Variants in MMP26 observed in about 807,000 individuals in gnomAD.
MMP26 encodes the protein matrix metalloproteinase-26.
Under a neutral mutation model 31.0 loss-of-function variants are expected in MMP26, and 33 were observed. That is an observed-to-expected ratio of 1.06 (90% confidence interval 0.81 to 1.42). The LOEUF (loss-of-function observed/expected upper bound fraction) is 1.42. Among genes scored for constraint, MMP26 ranks in the 40% most tolerant of loss-of-function variants. The probability of loss-of-function intolerance (pLI) is 0.00; values close to 1 mark genes in which losing one functional copy is unlikely to be tolerated. For synonymous variants in MMP26, 122 were observed against 114.9 expected (o/e 1.06, Z -0.40); for missense variants, 347 against 316.1 (o/e 1.10, Z -0.74).
chr11:4,749,023 T>G (rs1409166908), intron 1 of MMP26, among the ~76,000 whole-genome samples: 1 of 152,080 alleles, frequency 6.6e-6, no homozygotes, highest in Non-Finnish European at 1.5e-5. Flanking sequence ...GATGATGATA[T>G]GATCATATAC....
At position 4,821,495 on chromosome 11, in the gene MMP26, C is replaced by T. The variant is rs1214163260; in HGVS notation, c.-145+54154C>T. Reference sequence around the variant, plus strand: ...ATGGGCATTCCAGGCCTGAAAGCCACCCAGTACTGGATCTCCATCCCTTTT... The same window carrying T: ...ATGGGCATTCCAGGCCTGAAAGCCATCCAGTACTGGATCTCCATCCCTTTT... On this transcript the variant is annotated intron_variant, in intron 2 of 7. Coordinates refer to ENST00000380390, the MANE Select transcript of MMP26 (RefSeq NM_021801.5). 6.2e-6 allele frequency: 10 copies of T among 1,612,244 alleles called. No individual in the cohort carries two copies. The South Asian group carries it at 8.8e-5, about 14-fold the overall frequency.
intron 2 of MMP26, among the ~76,000 whole-genome samples, chr11:4,930,779 T>C (rs1851335982): frequency 6.6e-6 from 1 of 152,068 alleles, no homozygotes; most frequent in Non-Finnish European, 1.5e-5. Flanking sequence ...TACTCAAAAA[T>C]AGTTTTTGAT....
intron 2 of MMP26, chr11:4,912,658 G>A (rs1246057397): frequency 6.9e-6 from 1 of 145,878 alleles, no homozygotes; most frequent in Non-Finnish European, 1.5e-5. Context: ...AATGAAAGAT[G>A]TTGGAATATT....
intron 2 of MMP26, among the ~76,000 whole-genome samples, chr11:4,868,095 A>T (rs1260339358): frequency 6.6e-6 from 1 of 152,152 alleles, no homozygotes. Flanking sequence ...CTTTCCAAGG[A>T]CATGGATGGA....
chr11:4,936,553 TA>T (rs1846115509), intron 2 of MMP26, among the ~76,000 whole-genome samples: 2 of 152,160 alleles, frequency 1.3e-5, no homozygotes. Flanking sequence ...CTTACTTAGA[TA>T]AAAGATTGAG....
chr11:4,975,651 A>G (rs1052781762), intron 2 of MMP26, among the ~76,000 whole-genome samples: 1 of 152,000 alleles, frequency 6.6e-6, no homozygotes, highest in Non-Finnish European at 1.5e-5. Flanking sequence ...ATCATTCTGC[A>G]TGGCTTTTGT....
In MMP26 at chr11:4,803,879, T is replaced by C. The variant is rs368835444; in HGVS notation, c.-145+36538T>C. 1.1e-5 allele frequency: 18 copies of C among 1,612,462 alleles called. No homozygotes were observed. In the African/African-American group the frequency reaches 2.4e-4, roughly 22 times the overall value. On this transcript the variant is annotated intron_variant, in intron 2 of 7. Transcript: ENST00000380390. ...GCTTGGTGTTGGCAGAAGGGCATCC[T>C]AGACACCATGAAGCAGAAGGGGCTC...
At chr11:4,780,597 T>C (rs1348198456) in intron 2 of MMP26, among the ~76,000 whole-genome samples, 4 of 152,200 alleles carry the variant, frequency 2.6e-5, no homozygotes, top group Admixed American at 6.5e-5. Flanking sequence ...CAGTGAAATC[T>C]GTACTCATGC....
rs530769942 is a variant in MMP26, at chr11:4,962,683, A to G, written c.-144-25385A>G. ...GTTGAAATAGTAATTCGGGTTTAGC[A>G]CTTGGTTGATTTCCGAAAGTTGGCA... On this transcript the variant is annotated intron_variant, in intron 2 of 7. Transcript: ENST00000380390. Among the ~76,000 whole-genome samples, 380 of 152,286 alleles carry G rather than the reference A, an allele frequency of 2.5e-3. 1 individual carries two copies. The highest frequency in any genetic ancestry group is 8.9e-3 in the African/African-American group (368 of 41,564).
chr11:4,769,974 A>T (rs1285109728), intron 2 of MMP26: 3 of 826,562 alleles, frequency 3.6e-6, no homozygotes, highest in Non-Finnish European at 6.1e-6. Context: ...TAGAAGTGAT[A>T]CATTAAGTGT....
intron 2 of MMP26, among the ~76,000 whole-genome samples, chr11:4,841,239 G>A (rs984219648): frequency 1.3e-5 from 2 of 152,060 alleles, no homozygotes; most frequent in African/African-American, 2.4e-5. Flanking sequence ...AGAGATAAGA[G>A]TTAGAAAATT....
At chr11:4,938,578 G>T (rs188672601) in intron 2 of MMP26, among the ~76,000 whole-genome samples, 1 of 152,010 alleles carries the variant, frequency 6.6e-6, no homozygotes, top group South Asian at 2.1e-4. Flanking sequence ...TAGGCTTTGC[G>T]CACTTAACAA....
intron 2 of MMP26, chr11:4,859,662 T>C (rs11034368): frequency 0.39 from 180,280 of 464,108 alleles, 37,346 homozygotes; most frequent in Middle Eastern, 0.48. Flanking sequence ...TTCTTCAAAT[T>C]TGCTTGGTCT....
chr11:4,865,581 T>C (rs1850222666), intron 2 of MMP26, among the ~76,000 whole-genome samples: 1 of 151,898 alleles, frequency 6.6e-6, no homozygotes, highest in Non-Finnish European at 1.5e-5. Flanking sequence ...CAAATTCTTC[T>C]TCTTCCTCCT....
intron 2 of MMP26, among the ~76,000 whole-genome samples, chr11:4,772,525 G>A (rs191074768): frequency 3.9e-5 from 6 of 152,282 alleles, no homozygotes; most frequent in Admixed American, 6.5e-5. Context: ...CCCAGTAAAT[G>A]TGTCAGCTCC....
chr11:4,891,024 T>TAATAATA (rs1228898738), intron 2 of MMP26, among the ~76,000 whole-genome samples: 2 of 144,728 alleles, frequency 1.4e-5, no homozygotes, highest in African/African-American at 5.1e-5. Flanking sequence ...ATAATAATAA[T>TAATAATA]AAAAGTAAAA....
At chr11:4,859,772 G>A (rs748298928) in intron 2 of MMP26, 2 of 471,300 alleles carry the variant, frequency 4.2e-6, no homozygotes, top group South Asian at 1.5e-5. Flanking sequence ...CAAAATCTGT[G>A]GATCATGGAG....
intron 2 of MMP26, among the ~76,000 whole-genome samples, chr11:4,826,187 G>A (rs1243727082): frequency 6.6e-6 from 1 of 152,016 alleles, no homozygotes; most frequent in Non-Finnish European, 1.5e-5. Flanking sequence ...AAGGTGCCAA[G>A]CCCCAGAACT....
Position 4,772,728 on chromosome 11 carries a change from G to A in MMP26, c.-145+5387G>A, listed in dbSNP as rs150562252. On this transcript the variant is annotated intron_variant, in intron 2 of 7. Coordinates refer to ENST00000380390, the MANE Select transcript of MMP26 (RefSeq NM_021801.5). The stretch of plus-strand genomic sequence containing the variant: ...GACTAATGGATGCAGACACTTTACA[G>A]TCTACTAATTCTAGGTTCATAAGAA... Among the ~76,000 whole-genome samples, 142 of 152,316 alleles carry A rather than the reference G, an allele frequency of 9.3e-4. 1 individual carries two copies. Among genetic ancestry groups the A allele is most frequent in the African/African-American group, 3.3e-3 (137 of 41,568 alleles).
Sources: gnomAD v4.1 joint callset for allele counts (sites outside exome capture counted in the v4.1 genomes callset) on GRCh38, gnomAD v4.1.1 for gene constraint, MANE v1.5 for transcripts, NCBI Gene and HGNC (gene_info 2026-07-23, HGNC 2026-07-21) for gene names.